PPP2R1B: variants seen among roughly 807,000 people sequenced by gnomAD.
PPP2R1B encodes protein phosphatase 2 scaffold subunit Abeta, also known as serine/threonine-protein phosphatase 2A 65 kDa regulatory subunit A beta isoform.
Under a neutral mutation model 72.7 loss-of-function variants are expected in PPP2R1B, and 58 were observed. The ratio of observed to expected loss-of-function variants is 0.80; its 90% confidence interval spans 0.65 to 0.99. PPP2R1B has a LOEUF of 0.99. PPP2R1B is among the 50% of genes least tolerant of loss of function. The pLI is 0.00. For missense variants in PPP2R1B, 695 were observed against 733.6 expected (o/e 0.95, Z 0.61); for synonymous variants, 256 against 264.6 (o/e 0.97, Z 0.32).
intron 14 of PPP2R1B, 57 bp from the exon 15 acceptor site, chr11:111,741,669 T>C (rs1565435288): frequency 3.2e-6 from 5 of 1,559,102 alleles, no homozygotes; most frequent in South Asian, 1.1e-5. Context: ...GAACGATCTA[T>C]GTGAATATTA....
chr11:111,691,032 A>G, the PPP2R1B span, among the ~76,000 whole-genome samples: 1 of 152,210 alleles, frequency 6.6e-6, no homozygotes, highest in Non-Finnish European at 1.5e-5. Context: ...AGAAAATGTC[A>G]AAGTAAGACA....
chr11:111,742,313 GCTTC>G, intron 13 of PPP2R1B, 169 bp from the exon 14 acceptor site: 1 of 754,292 alleles, frequency 1.3e-6, no homozygotes, highest in Non-Finnish European at 2.1e-6. Flanking sequence ...AGCAAAATCA[GCTTC>G]AGACAAGGAT....
Position 111,756,203 on chromosome 11 carries a change from C to CT in PPP2R1B, c.688-754dup, listed in dbSNP as rs1395030890. Among the ~76,000 whole-genome samples the CT allele has an allele frequency of 9.4e-5, 12 of 127,596 alleles. No homozygotes were observed. In the Admixed American group the frequency reaches 1.1e-3, roughly 11 times the overall value. 83.7% of individuals were successfully genotyped at this position (127,596 alleles called of 152,430 possible). On this transcript the variant is annotated intron_variant, in intron 5 of 14. Transcript: ENST00000527614. ...CCAGTCTGGGCGACAGAGTGACACT[C>CT]TGTCTCAAAAAACAAAAAGGAAAAA...
chr11:111,753,615 A>T (rs1555048693), intron 8 of PPP2R1B, 38 bp from the exon 9 acceptor site: 1 of 1,567,872 alleles, frequency 6.4e-7, no homozygotes, highest in Non-Finnish European at 8.7e-7. Flanking sequence ...TTATTACAAG[A>T]CAACAGAAAC....
At chr11:111,755,931 G>C (rs1047758863) in intron 5 of PPP2R1B, among the ~76,000 whole-genome samples, 1 of 151,328 alleles carries the variant, frequency 6.6e-6, no homozygotes, top group African/African-American at 2.4e-5. Flanking sequence ...GCTCCCGGCC[G>C]GGCCCAGTGG....
In PPP2R1B at chr11:111,760,992, C is replaced by CTCCA; in HGVS notation, c.362_365dup (p.Glu122AspfsTer55). Reference sequence around the variant, plus strand: ...GCTCCTGGGAGATCTGTCTCAGGGACTCCACAGCCTTGTCACGAACAACAG... The same window carrying CTCCA: ...GCTCCTGGGAGATCTGTCTCAGGGACTCCATCCACAGCCTTGTCACGAACAACAG... On this transcript the variant is annotated frameshift_variant, in exon 4 of 15. Coordinates refer to ENST00000527614, the MANE Select transcript of PPP2R1B (RefSeq NM_002716.5). LOFTEE classifies it high-confidence loss of function. 1 of 1,614,226 alleles carries CTCCA rather than the reference C, an allele frequency of 6.2e-7. No homozygotes were observed.
chr11:111,760,829 C>G lies in PPP2R1B; in HGVS notation c.529G>C (p.Glu177Gln). The change falls in exon 4 of 15, where the codon GAA becomes CAA. Residue 177 changes from glutamate (E) to glutamine (Q), a missense_variant. Coordinates refer to ENST00000527614, the MANE Select transcript of PPP2R1B (RefSeq NM_002716.5). ...AATACCATGGCTTACTGTCTGATTTCTGCTTTAACAGCATTTGATGCCCTG... is the reference window on the plus strand; with the variant it reads ...AATACCATGGCTTACTGTCTGATTTGTGCTTTAACAGCATTTGATGCCCTG... ...YPRASNAVKA[E>Q]IRQQFRSLCS... 1 of 1,613,934 alleles carries G rather than the reference C, an allele frequency of 6.2e-7. No homozygotes were observed. Among genetic ancestry groups the G allele is most frequent in the Non-Finnish European group, 8.5e-7 (1 of 1,179,892 alleles).
At position 111,750,552 on chromosome 11, in the gene PPP2R1B, T is replaced by C. The variant is rs76888536; in HGVS notation, c.1338+1607A>G. Among the ~76,000 whole-genome samples the C allele has an allele frequency of 7.3e-3, 1,118 of 152,270 alleles. 8 individuals carry two copies. Among genetic ancestry groups the C allele is most frequent in the Middle Eastern group, 0.054 (16 of 294 alleles). On this transcript the variant is annotated intron_variant, in intron 10 of 14. Transcript: ENST00000527614. ...GGGACTGGAAATAAAATACAGTCCC[T>C]GCCCTAAAAGAGATCACCCATCTCT...
chr11:111,701,695 A>G, the PPP2R1B span: 5 of 1,312,082 alleles, frequency 3.8e-6, no homozygotes, highest in Non-Finnish European at 5.2e-6. The surrounding 1 kb of genome is among the most constrained non-coding windows in gnomAD (Gnocchi z 4.2). Context: ...ACTGAGCTGT[A>G]GGTTAAAAGC....
At chr11:111,751,212 G>A (rs1361683068) in intron 10 of PPP2R1B, among the ~76,000 whole-genome samples, 1 of 152,116 alleles carries the variant, frequency 6.6e-6, no homozygotes, top group East Asian at 1.9e-4. Flanking sequence ...GGTACCTAGG[G>A]ACATTTTGCT....
chr11:111,719,637 T>C, the PPP2R1B span: 1 of 836,870 alleles, frequency 1.2e-6, no homozygotes, highest in East Asian at 2.7e-5. Flanking sequence ...CTATGTGTTG[T>C]CATGCATAAT....
intron 9 of PPP2R1B, 65 bp from the exon 10 acceptor site, chr11:111,752,397 G>A: frequency 6.9e-7 from 1 of 1,456,576 alleles, no homozygotes; most frequent in Non-Finnish European, 9.2e-7. Context: ...ACAGTCTCCT[G>A]TCAGGGTAAG....
At chr11:111,730,638 T>C (rs1944159112) in intron 15 of PPP2R1B, 1 of 152,148 alleles carries the variant, frequency 6.6e-6, no homozygotes, top group Admixed American at 6.5e-5. Flanking sequence ...TCAGTAGCTT[T>C]GGTATTATGA....
intron 1 of PPP2R1B, chr11:111,765,996 C>T (rs749500157): frequency 1.7e-5 from 10 of 579,698 alleles, no homozygotes; most frequent in African/African-American, 3.7e-5. Context: ...TCCCCGACAA[C>T]CGCCCGGGAA....
chr11:111,721,127 T>C, the PPP2R1B span: 1 of 1,524,424 alleles, frequency 6.6e-7, no homozygotes, highest in East Asian at 2.3e-5. Flanking sequence ...GTCCTGAAGA[T>C]GGTCATTTTC....
At chr11:111,751,484 A>C (rs1467174178) in intron 10 of PPP2R1B, among the ~76,000 whole-genome samples, 1 of 152,224 alleles carries the variant, frequency 6.6e-6, no homozygotes, top group Non-Finnish European at 1.5e-5. Flanking sequence ...TCCAAAATCC[A>C]AAACTTTTTG....
intron 11 of PPP2R1B, among the ~76,000 whole-genome samples, chr11:111,745,626 G>A (rs148706459): frequency 1.3e-5 from 2 of 152,128 alleles, no homozygotes; most frequent in African/African-American, 2.4e-5. Flanking sequence ...TCAAGGCCTG[G>A]CTGACCTGCA....
At chr11:111,751,057 TG>T (rs1246650578) in intron 10 of PPP2R1B, among the ~76,000 whole-genome samples, 4 of 152,218 alleles carry the variant, frequency 2.6e-5, no homozygotes, top group Non-Finnish European at 5.9e-5. Context: ...CAGGCTGGTC[TG>T]GAACTCCTAG....
the PPP2R1B span, among the ~76,000 whole-genome samples, chr11:111,693,055 C>T: frequency 1.1e-4 from 17 of 152,126 alleles, no homozygotes; most frequent in East Asian, 1.4e-3. Flanking sequence ...TGAGACAGGC[C>T]GGGCGCAGTG....
Sources: gnomAD v4.1 joint callset for allele counts (sites outside exome capture counted in the v4.1 genomes callset) on GRCh38, gnomAD v4.1.1 for gene constraint, Gnocchi (gnomAD v3.1) non-coding constraint, MANE v1.5 for transcripts, NCBI Gene and HGNC (gene_info 2026-07-23, HGNC 2026-07-21) for gene names.